Variants in SORBS2 observed in about 807,000 individuals in gnomAD.
SORBS2 encodes sorbin and SH3 domain-containing protein 2.
Under a neutral mutation model 97.7 loss-of-function variants are expected in SORBS2, and 46 were observed. That is an observed-to-expected ratio of 0.47 (90% CI 0.37 to 0.60). The LOEUF (loss-of-function observed/expected upper bound fraction) is 0.60. Ranked by LOEUF, SORBS2 falls within the 20% of genes least tolerant of loss-of-function variation. SORBS2 has a pLI of 0.00. For synonymous variants in SORBS2, 476 were observed against 473.4 expected, an observed-to-expected ratio of 1.01 and a Z score of -0.07; for missense variants, 1,316 against 1,282.3, an observed-to-expected ratio of 1.03 and a Z score of -0.40.
intron 1 of SORBS2, among the ~76,000 whole-genome samples, chr4:185,863,241 T>A (rs1376466655): frequency 6.6e-6 from 1 of 152,192 alleles, no homozygotes; most frequent in Non-Finnish European, 1.5e-5. Context: ...ACAATGTGTA[T>A]AATATAGACC....
At chr4:185,841,278 G>A (rs2099211349) in intron 1 of SORBS2, among the ~76,000 whole-genome samples, 1 of 152,134 alleles carries the variant, frequency 6.6e-6, no homozygotes, top group Non-Finnish European at 1.5e-5. Flanking sequence ...ACAACAGTTA[G>A]TTGTTGCCAA....
At chr4:185,906,733 T>C (rs925783616) in intron 1 of SORBS2, among the ~76,000 whole-genome samples, 10 of 152,248 alleles carry the variant, frequency 6.6e-5, no homozygotes, top group Admixed American at 5.9e-4. Context: ...TATGGTATTC[T>C]ATCTATACGA....
intron 2 of SORBS2, among the ~76,000 whole-genome samples, chr4:185,680,945 G>T (rs142378040): frequency 2.0e-5 from 3 of 152,186 alleles, no homozygotes; most frequent in Non-Finnish European, 4.4e-5. Context: ...GGGACACTGG[G>T]CCCAGGGATT....
chr4:185,901,316 C>A (rs532597720), intron 1 of SORBS2, among the ~76,000 whole-genome samples: 1 of 152,150 alleles, frequency 6.6e-6, no homozygotes, highest in East Asian at 1.9e-4. Flanking sequence ...CGATCTCCTG[C>A]CTCAGCCTCA....
At chr4:185,895,201 C>G (rs2099244434) in intron 1 of SORBS2, among the ~76,000 whole-genome samples, 1 of 152,172 alleles carries the variant, frequency 6.6e-6, no homozygotes, top group Non-Finnish European at 1.5e-5. Context: ...CAGGGCAAGC[C>G]CTGATGCCAC....
At chr4:185,887,953 T>TAC (rs2149794239) in intron 1 of SORBS2, among the ~76,000 whole-genome samples, 1 of 32,760 alleles carries the variant, frequency 3.1e-5, no homozygotes, top group African/African-American at 1.5e-4. Context: ...TCACATAGTA[T>TAC]ATATATATGT....
intron 1 of SORBS2, among the ~76,000 whole-genome samples, chr4:185,815,703 T>C (rs1047757984): frequency 1.3e-5 from 2 of 152,188 alleles, no homozygotes; most frequent in Non-Finnish European, 2.9e-5. Flanking sequence ...AGCTTCTATT[T>C]TAAGTTATAC....
intron 2 of SORBS2, among the ~76,000 whole-genome samples, chr4:185,693,769 T>C (rs372720098): frequency 1.2e-3 from 181 of 152,352 alleles, no homozygotes; most frequent in African/African-American, 3.9e-3. Context: ...ATAATGTTTT[T>C]GTACCAAGTT....
At chr4:185,897,950 T>C (rs374698303) in intron 1 of SORBS2, among the ~76,000 whole-genome samples, 4 of 152,012 alleles carry the variant, frequency 2.6e-5, no homozygotes, top group East Asian at 3.9e-4. Flanking sequence ...GACACAAGAA[T>C]CATTTGAACC....
chr4:185,814,866 T>G (rs1331032388), intron 1 of SORBS2, among the ~76,000 whole-genome samples: 1 of 152,248 alleles, frequency 6.6e-6, no homozygotes, highest in Admixed American at 6.5e-5. Context: ...CCCTCCCTTG[T>G]AACTTGGTGC....
At chr4:185,948,196 C>G (rs771312937) in intron 1 of SORBS2, among the ~76,000 whole-genome samples, 52 of 152,276 alleles carry the variant, frequency 3.4e-4, no homozygotes, top group Non-Finnish European at 8.8e-5. Context: ...ATCTAGCTTA[C>G]CTGAATCTCT....
intron 1 of SORBS2, among the ~76,000 whole-genome samples, chr4:185,946,719 C>T (rs774980006): frequency 7.2e-5 from 11 of 152,168 alleles, no homozygotes; most frequent in Non-Finnish European, 1.3e-4. Context: ...ACTTAATGTA[C>T]ATCTGAACCT....
chr4:185,868,500 A>C (rs1271642221), intron 1 of SORBS2, among the ~76,000 whole-genome samples: 1 of 152,046 alleles, frequency 6.6e-6, no homozygotes, highest in Non-Finnish European at 1.5e-5. Flanking sequence ...CTAAAATTTC[A>C]AGAAGGAGGG....
chr4:185,812,482 CTATG>C, intron 1 of SORBS2, among the ~76,000 whole-genome samples: 1 of 152,288 alleles, frequency 6.6e-6, no homozygotes, highest in South Asian at 2.1e-4. Context: ...TGAGCCGGGG[CTATG>C]TATGAAATCG....
chr4:185,848,373 A>G (rs899463813), intron 1 of SORBS2, among the ~76,000 whole-genome samples: 1 of 152,060 alleles, frequency 6.6e-6, no homozygotes, highest in African/African-American at 2.4e-5. Context: ...AGTTCATGAA[A>G]TCCTTTGTGA....
intron 11 of SORBS2, among the ~76,000 whole-genome samples, chr4:185,613,522 C>A (rs1280589152): frequency 6.6e-6 from 1 of 151,782 alleles, no homozygotes; most frequent in Non-Finnish European, 1.5e-5. Context: ...GTGGCGGGCA[C>A]CTGTAGTCCC....
At chr4:185,795,411 G>A (rs1259596100) in intron 1 of SORBS2, among the ~76,000 whole-genome samples, 1 of 152,122 alleles carries the variant, frequency 6.6e-6, no homozygotes, top group African/African-American at 2.4e-5. Context: ...TGTACCTTCA[G>A]AGAAGGTTTT....
intron 1 of SORBS2, among the ~76,000 whole-genome samples, chr4:185,896,750 A>G (rs1306004191): frequency 2.0e-5 from 3 of 152,060 alleles, no homozygotes; most frequent in African/African-American, 7.2e-5. Context: ...CCCCTAACAA[A>G]GAGCCATGTC....
At chr4:185,830,654 C>T (rs2099204620) in intron 1 of SORBS2, among the ~76,000 whole-genome samples, 1 of 152,146 alleles carries the variant, frequency 6.6e-6, no homozygotes, top group Non-Finnish European at 1.5e-5. Context: ...AGTTCCATTG[C>T]TTCTTTTTTC....
Sources: allele counts gnomAD v4.1 joint callset (sites outside exome capture counted in the v4.1 genomes callset), GRCh38; gene constraint gnomAD v4.1.1; transcripts MANE v1.5; gene names NCBI Gene and HGNC (gene_info 2026-07-23, HGNC 2026-07-21).